PLEKHG4B: variants seen among roughly 807,000 people sequenced by gnomAD.
PLEKHG4B encodes pleckstrin homology and RhoGEF domain containing G4B.
In PLEKHG4B, 111 loss-of-function variants were observed where a neutral mutation model predicts 121.3. That is an observed-to-expected ratio of 0.92 (90% CI 0.78 to 1.07). The LOEUF is 1.07. Ranked by LOEUF, PLEKHG4B falls within the 50% of genes least tolerant of loss-of-function variation. The probability of loss-of-function intolerance (pLI) is 0.00; values close to 1 mark genes in which losing one functional copy is unlikely to be tolerated. For synonymous variants in PLEKHG4B, 738 were observed against 725.0 expected, an observed-to-expected ratio of 1.02 and a Z score of -0.29; for missense variants, 1,831 against 1,757.8, an observed-to-expected ratio of 1.04 and a Z score of -0.74.
In PLEKHG4B at chr5:169,407, T is replaced by C; in HGVS notation, c.3544T>C (p.Tyr1182His). 2 of 1,614,154 alleles carry C rather than the reference T, an allele frequency of 1.2e-6. No individual in the cohort carries two copies. Among genetic ancestry groups the C allele is most frequent in the Non-Finnish European group, 1.7e-6 (2 of 1,180,050 alleles). The change falls in exon 14 of 20, where the codon TAC (tyrosine) becomes CAC (histidine). Residue 1182 changes from tyrosine (Y) to histidine (H), a missense_variant. Coordinates refer to ENST00000637938, the MANE Select transcript of PLEKHG4B (RefSeq NM_052909.5). ...GAGGGAGTACATTCGGTGCTTAGGA[T>C]ACGTCATTGACAACTATTTTCCAGA... is the stretch of plus-strand genomic sequence containing the variant. ...TEREYIRCLG[Y>H]VIDNYFPEME...
chr5:146,767 A>C (rs1579288494), intron 6 of PLEKHG4B, among the ~76,000 whole-genome samples: 2 of 126,012 alleles, frequency 1.6e-5, no homozygotes, highest in African/African-American at 6.1e-5. Flanking sequence ...CTCTCTCTCC[A>C]CCCTGCTGCC....
intron 6 of PLEKHG4B, among the ~76,000 whole-genome samples, chr5:150,326 A>G (rs1406824153): frequency 2.0e-5 from 3 of 152,190 alleles, no homozygotes; most frequent in Non-Finnish European, 4.4e-5. Context: ...AGAAAGTTGA[A>G]TTATGGTTGC....
chr5:136,229 CAT>C (rs1326654343), intron 2 of PLEKHG4B, among the ~76,000 whole-genome samples: 1 of 152,142 alleles, frequency 6.6e-6, no homozygotes, highest in African/African-American at 2.4e-5. Context: ...TAGAATAAAA[CAT>C]AGACGAAAAG....
chr5:163,246 C>T lies in PLEKHG4B; in HGVS notation c.3174C>T (p.Ala1058=), dbSNP rs2126438823. ...ATTAHLEDSS[A]CSSEPTQTLA... Reference sequence around the variant, plus strand: ...CGGCCCACCTGGAGGACAGCTCTGCCTGTTCCTCTGAGCCCACCCAGACCC... The same window carrying T: ...CGGCCCACCTGGAGGACAGCTCTGCTTGTTCCTCTGAGCCCACCCAGACCC... The change falls in exon 13 of 20, where the codon GCC becomes GCT. Residue 1058 remains alanine (A), a synonymous_variant. Coordinates refer to ENST00000637938, the MANE Select transcript of PLEKHG4B (RefSeq NM_052909.5). 6.2e-7 allele frequency: 1 copy of T among 1,610,930 alleles called. No individual in the cohort carries two copies. Among genetic ancestry groups the T allele is most frequent in the Middle Eastern group, 1.7e-4 (1 of 6,056 alleles).
chr5:167,909 A>T (rs1736405608), intron 13 of PLEKHG4B, among the ~76,000 whole-genome samples: 1 of 152,232 alleles, frequency 6.6e-6, no homozygotes, highest in African/African-American at 2.4e-5. Flanking sequence ...GTAATAAAAA[A>T]ATTAAAAAAT....
Position 162,827 on chromosome 5 carries a change from G to A in PLEKHG4B, c.2755G>A (p.Ala919Thr), listed in dbSNP as rs758291323. The change falls in exon 13 of 20, where the codon GCC becomes ACC. Residue 919 changes from alanine to threonine, a missense_variant. Transcript: ENST00000637938. ...GGAGGCTACCTCGGTGGCTGCAGAG[G>A]CCTTCCCCGGGGCAGGTGTGGCAGT... ...HQEATSVAAE[A>T]FPGAGVAVLK... 4.7e-5 allele frequency: 71 copies of A among 1,511,552 alleles called. No individual in the cohort carries two copies. The highest frequency in any genetic ancestry group is 1.8e-4 in the Middle Eastern group (1 of 5,684). 93.6% of individuals were successfully genotyped at this position (1,511,552 alleles called of 1,614,324 possible).
intron 9 of PLEKHG4B, 129 bp downstream of exon 9, chr5:155,572 C>A: frequency 1.4e-6 from 1 of 710,972 alleles, no homozygotes; most frequent in South Asian, 1.7e-5. Flanking sequence ...AATCCTTTTT[C>A]ATTTGTAGAT....
At chr5:174,937 G>A (rs757183304) in intron 18 of PLEKHG4B, among the ~76,000 whole-genome samples, 14 of 152,098 alleles carry the variant, frequency 9.2e-5, no homozygotes, top group Admixed American at 4.6e-4. Flanking sequence ...TCCAGTAGCC[G>A]CACTGTCCAT....
chr5:155,420 C>CA lies in PLEKHG4B; in HGVS notation c.2186dup (p.His729GlnfsTer15). On this transcript the variant is annotated frameshift_variant, in exon 9 of 20. Coordinates refer to ENST00000637938, the MANE Select transcript of PLEKHG4B (RefSeq NM_052909.5). LOFTEE classifies it high-confidence loss of function. ...GAATTCATTCTGCTCCCTGAACACCCACAGAACCCCAAGAACAGCCCAGGT... is the reference window on the plus strand; with the variant it reads ...GAATTCATTCTGCTCCCTGAACACCCAACAGAACCCCAAGAACAGCCCAGGT... 6.2e-7 allele frequency: 1 copy of CA among 1,614,120 alleles called. No homozygotes were observed. The highest frequency in any genetic ancestry group is 2.2e-5 in the East Asian group (1 of 44,888).
At chr5:122,301 T>C (rs1217963198) in intron 2 of PLEKHG4B, among the ~76,000 whole-genome samples, 2 of 152,196 alleles carry the variant, frequency 1.3e-5, no homozygotes, top group Non-Finnish European at 2.9e-5. Flanking sequence ...TCAATAATTA[T>C]TTTAAATGTA....
chr5:111,044 C>A (rs1277990457), intron 1 of PLEKHG4B, among the ~76,000 whole-genome samples: 1 of 152,244 alleles, frequency 6.6e-6, no homozygotes, highest in Non-Finnish European at 1.5e-5. Context: ...GCTTACACTC[C>A]TTCGGAGTCC....
At chr5:164,911 CGGGGCGG>C (rs1736242639) in intron 13 of PLEKHG4B, among the ~76,000 whole-genome samples, 3 of 46,248 alleles carry the variant, frequency 6.5e-5, no homozygotes, top group Admixed American at 2.1e-4. Context: ...AATGCTGTGA[CGGGGCGG>C]AGCTCACACT....
chr5:167,122 G>A (rs767218345), intron 13 of PLEKHG4B, among the ~76,000 whole-genome samples: 12 of 152,204 alleles, frequency 7.9e-5, no homozygotes, highest in Non-Finnish European at 1.5e-4. Flanking sequence ...CTTTGATCAA[G>A]ACCCAATTAA....
At chr5:138,212 C>T (rs563849392) in intron 2 of PLEKHG4B, among the ~76,000 whole-genome samples, 37 of 152,354 alleles carry the variant, frequency 2.4e-4, no homozygotes, top group Admixed American at 1.4e-3. Flanking sequence ...TTCTGCATTA[C>T]ATTACTTTCA....
chr5:99,170 G>GTGTA (rs1303364136), intron 1 of PLEKHG4B, among the ~76,000 whole-genome samples: 5 of 100,508 alleles, frequency 5.0e-5, no homozygotes, highest in African/African-American at 1.2e-4. Context: ...AAAAAAAAGT[G>GTGTA]TATATATATA....
chr5:121,471 G>A (rs1459498581), intron 2 of PLEKHG4B, among the ~76,000 whole-genome samples: 3 of 152,124 alleles, frequency 2.0e-5, no homozygotes, highest in Admixed American at 6.5e-5. Flanking sequence ...TCAAGCAGTC[G>A]AAATGTGTAT....
At chr5:125,094 C>G (rs1197194272) in intron 2 of PLEKHG4B, among the ~76,000 whole-genome samples, 2 of 152,190 alleles carry the variant, frequency 1.3e-5, no homozygotes, top group Non-Finnish European at 2.9e-5. Flanking sequence ...GATCACACCA[C>G]TCAACTCCAG....
intron 14 of PLEKHG4B, among the ~76,000 whole-genome samples, chr5:170,502 A>G (rs1204951980): frequency 2.0e-5 from 3 of 152,126 alleles, no homozygotes; most frequent in Non-Finnish European, 2.9e-5. Flanking sequence ...GAGTTTCACC[A>G]TGCTGGCGAG....
rs376759485 is a variant in PLEKHG4B at position 173,041 on chromosome 5, G to A, written c.4195G>A (p.Val1399Ile). The A allele has an allele frequency of 4.1e-5, 66 of 1,614,014 alleles. No homozygotes were observed. In the African/African-American group the frequency reaches 5.7e-4, roughly 14 times the overall value. The change falls in exon 17 of 20, where the codon GTC becomes ATC. Residue 1399 changes from valine (V) to isoleucine (I), a missense_variant. Coordinates refer to ENST00000637938, the MANE Select transcript of PLEKHG4B (RefSeq NM_052909.5). ...CCAGAAGGTGGAGGGCAGCCACGAC[G>A]TCTACCTGTACAAGCAGTCCTTCAA... is the stretch of plus-strand genomic sequence containing the variant. Reference protein sequence around the residue: ...KTQKVEGSHDVYLYKQSFKTA... With the variant: ...KTQKVEGSHDIYLYKQSFKTA...
Sources: gnomAD v4.1 joint callset for allele counts (sites outside exome capture counted in the v4.1 genomes callset) on GRCh38, gnomAD v4.1.1 for gene constraint, MANE v1.5 for transcripts, NCBI Gene and HGNC (gene_info 2026-07-23, HGNC 2026-07-21) for gene names.